Variants in TTBK1 observed in about 807,000 individuals in gnomAD.
The protein encoded by TTBK1 is tau-tubulin kinase 1.
TTBK1 carries 34 observed loss-of-function variants against 108.5 expected under a neutral mutation model. The ratio of observed to expected loss-of-function variants is 0.31; its 90% CI spans 0.24 to 0.42. The LOEUF is 0.42. Among genes scored for constraint, TTBK1 ranks in the 10% least tolerant of loss-of-function variants. The pLI, the probability that TTBK1 is intolerant of heterozygous loss-of-function variation, is 1.00. For missense variants in TTBK1, 1,539 were observed against 1,826.0 expected (o/e 0.84, Z 2.86); for synonymous variants, 809 against 795.1 (o/e 1.02, Z -0.29).
chr6:43,275,260 AGCGCCCCGCG>A (rs1436153884), intron 13 of TTBK1, among the ~76,000 whole-genome samples: 3 of 150,944 alleles, frequency 2.0e-5, no homozygotes, highest in South Asian at 2.1e-4. Context: ...CGCCCCACAC[AGCGCCCCGCG>A]GCGCCCTGCA....
chr6:43,247,101 T>A (rs374242171), intron 2 of TTBK1, among the ~76,000 whole-genome samples: 18 of 148,352 alleles, frequency 1.2e-4, no homozygotes, highest in Non-Finnish European at 1.8e-4. Context: ...GGGAGGGAGC[T>A]TTTTCTCTGA....
At chr6:43,281,969 G>A (rs1778176627) in intron 13 of TTBK1, among the ~76,000 whole-genome samples, 1 of 152,198 alleles carries the variant, frequency 6.6e-6, no homozygotes, top group Non-Finnish European at 1.5e-5. Flanking sequence ...AGAAAACCAA[G>A]GACTGCTTTG....
intron 13 of TTBK1, chr6:43,270,259 A>G: frequency 8.6e-7 from 1 of 1,169,396 alleles, no homozygotes; most frequent in Non-Finnish European, 1.1e-6. Flanking sequence ...TGATGGGTCC[A>G]GAGTCCAGTG....
chr6:43,266,584 C>T (rs2150698969), intron 13 of TTBK1, among the ~76,000 whole-genome samples: 1 of 152,192 alleles, frequency 6.6e-6, no homozygotes, highest in Admixed American at 6.5e-5. Flanking sequence ...GAGAGCTGAG[C>T]TCTGAGCCAT....
chr6:43,256,749 A>G (rs1777392514), intron 9 of TTBK1, among the ~76,000 whole-genome samples: 1 of 142,714 alleles, frequency 7.0e-6, no homozygotes, highest in South Asian at 2.2e-4. Flanking sequence ...AAACAAACAA[A>G]TAAACAAAAA....
Position 43,265,728 on chromosome 6 carries a change from C to T in TTBK1, c.1986+2378C>T, listed in dbSNP as rs1258444010. Among the ~76,000 whole-genome samples the T allele has an allele frequency of 2.0e-5, 3 of 152,134 alleles. No individual in the cohort carries two copies. Among genetic ancestry groups the T allele is most frequent in the African/African-American group, 7.2e-5 (3 of 41,424 alleles). On this transcript the variant is annotated intron_variant, in intron 13 of 14. Coordinates refer to ENST00000259750, the MANE Select transcript of TTBK1 (RefSeq NM_032538.3). The surrounding 1 kb of genome is among the most constrained non-coding windows in gnomAD (Gnocchi z 4.1). ...CAATAGGTTGTACCCGTAGGAAGTG[C>T]AGAGTCTAGGGAGGGTGACAGACAG...
At chr6:43,258,091 G>A (rs981791532) in intron 10 of TTBK1, 125 bp downstream of exon 10, 1 of 1,137,070 alleles carries the variant, frequency 8.8e-7, no homozygotes, top group Non-Finnish European at 1.2e-6. Context: ...CCTTAGTGGA[G>A]TTCTGGGACT....
intron 7 of TTBK1, 79 bp downstream of exon 7, chr6:43,255,193 T>TGGGGGG: frequency 3.8e-6 from 1 of 266,450 alleles, no homozygotes; most frequent in Admixed American, 6.0e-5. Context: ...TGGGGAGGGG[T>TGGGGGG]GGGGAGAGGA....
rs943862920 is a variant in TTBK1, at chr6:43,276,081, A to G, written c.1987-6646A>G. Among the ~76,000 whole-genome samples, 12 of 152,078 alleles carry G rather than the reference A, an allele frequency of 7.9e-5. No individual in the cohort carries two copies. In the South Asian group the frequency reaches 2.5e-3, roughly 32 times the overall value. ...GGGGCGGAGTAGGGGAGGGATAGGAAGGGGATTAGCGAGAGGACCCTCGCG... is the reference window on the plus strand; with the variant it reads ...GGGGCGGAGTAGGGGAGGGATAGGAGGGGGATTAGCGAGAGGACCCTCGCG... On this transcript the variant is annotated intron_variant, in intron 13 of 14. Transcript: ENST00000259750. The surrounding 1 kb of genome is among the most constrained non-coding windows in gnomAD (Gnocchi z 5.4).
intron 13 of TTBK1, among the ~76,000 whole-genome samples, chr6:43,268,143 G>C (rs1777731918): frequency 6.6e-6 from 1 of 152,234 alleles, no homozygotes; most frequent in South Asian, 2.1e-4. Flanking sequence ...TGAAGGGCAA[G>C]AGCCCTCTGG....
Position 43,243,861 on chromosome 6 carries a change from T to C in TTBK1, c.-55+153T>C, listed in dbSNP as rs867213635. Among the ~76,000 whole-genome samples, 1 of 152,008 alleles carries C rather than the reference T, an allele frequency of 6.6e-6. No individual in the cohort carries two copies. The highest frequency in any genetic ancestry group is 6.5e-5 in the Admixed American group (1 of 15,278). On this transcript the variant is annotated intron_variant, in intron 1 of 14. Coordinates refer to ENST00000259750, the MANE Select transcript of TTBK1 (RefSeq NM_032538.3). This position sits in a 1 kb window ranked among gnomAD's most constrained non-coding sequence, Gnocchi z 5.5. ...GGCTGGGACGCTGGCCTACACCGCC[T>C]GGGCCGCGCCGAGGCCTGGAGCCGC...
chr6:43,264,658 G>A (rs1777630632), intron 13 of TTBK1, among the ~76,000 whole-genome samples: 1 of 152,176 alleles, frequency 6.6e-6, no homozygotes, highest in African/African-American at 2.4e-5. Flanking sequence ...CGGAGCATGG[G>A]AGGAGCACAG....
In TTBK1 at chr6:43,254,581, A is replaced by G; in HGVS notation, c.506A>G (p.Tyr169Cys). 2 of 1,582,818 alleles carry G rather than the reference A, an allele frequency of 1.3e-6. No homozygotes were observed. The highest frequency in any genetic ancestry group is 1.7e-6 in the Non-Finnish European group (2 of 1,167,254). The change falls in exon 6 of 15, where the codon TAC becomes TGC. Residue 169 changes from tyrosine to cysteine, a missense_variant. Tyr to Cys is a radical substitution (Grantham distance 194, BLOSUM62 -2). Transcript: ENST00000259750. ...GCCATGGGCAGGCTGCCCTCCACCT[A>G]CAGGAAGTGCTATATGCTGGACTTC... ...NFAMGRLPST[Y>C]RKCYMLDFGL...
rs558481305 is a variant in TTBK1, at chr6:43,254,773, G to T, written c.576+122G>T. The T allele has an allele frequency of 5.6e-6, 5 of 896,800 alleles. No homozygotes were observed. The South Asian group carries it at 8.6e-5, about 15-fold the overall frequency. The allele number at this position is 896,800 out of a possible 1,614,324, so 55.6% of individuals were successfully genotyped here. On this transcript the variant is annotated intron_variant, in intron 6 of 14. Coordinates refer to ENST00000259750, the MANE Select transcript of TTBK1 (RefSeq NM_032538.3). Reference sequence around the variant, plus strand: ...GCCTGGCCTTGTGTTCAGTATCAGCGCCACCCAGCTCTGGGTGTCCACACT... The same window carrying T: ...GCCTGGCCTTGTGTTCAGTATCAGCTCCACCCAGCTCTGGGTGTCCACACT...
Position 43,283,064 on chromosome 6 carries a change from C to G in TTBK1, c.2324C>G (p.Ala775Gly), listed in dbSNP as rs749299332. 6.3e-7 allele frequency: 1 copy of G among 1,588,246 alleles called. No homozygotes were observed. Among genetic ancestry groups the G allele is most frequent in the Admixed American group, 1.8e-5 (1 of 55,408 alleles). ...EEEEEEEAAA[A>G]VALGEVLGPR... ...GAAGAGGAGGAGGAGGCTGCAGCGG[C>G]AGTTGCCTTGGGGGAGGTGCTGGGG... Residue 775 changes from alanine (A) to glycine (G), a missense_variant, in exon 14 of 15, where the codon GCA becomes GGA. Coordinates refer to ENST00000259750, the MANE Select transcript of TTBK1 (RefSeq NM_032538.3). This position sits in a 1 kb window ranked among gnomAD's most constrained non-coding sequence, Gnocchi z 8.1.
chr6:43,252,823 G>C lies in TTBK1; in HGVS notation c.193G>C (p.Glu65Gln). 6.2e-7 allele frequency: 1 copy of C among 1,613,962 alleles called. No individual in the cohort carries two copies. Among genetic ancestry groups the C allele is most frequent in the Non-Finnish European group, 8.5e-7 (1 of 1,179,956 alleles). The change falls in exon 3 of 15, where the codon GAG (glutamate) becomes CAG (glutamine). Residue 65 changes from glutamate to glutamine, a missense_variant. Physicochemically the swap from Glu to Gln is conservative, Grantham distance 29. Coordinates refer to ENST00000259750, the MANE Select transcript of TTBK1 (RefSeq NM_032538.3). The part of the protein sequence containing the change: ...LTRENVALKV[E>Q]SAQQPKQVLK... ...CAGGGAGAATGTGGCCCTCAAGGTG[G>C]AGTCAGCCCAGCAGCCCAAGCAGGT...
At chr6:43,271,301 C>T (rs765914622) in intron 13 of TTBK1, 27 of 985,306 alleles carry the variant, frequency 2.7e-5, no homozygotes, top group Middle Eastern at 5.2e-4. Flanking sequence ...TACGAATGAG[C>T]GTTTGTGCAT....
intron 9 of TTBK1, among the ~76,000 whole-genome samples, chr6:43,256,916 AG>A: frequency 6.6e-6 from 1 of 152,168 alleles, no homozygotes; most frequent in Non-Finnish European, 1.5e-5. Context: ...CTCCGAGTCC[AG>A]GGCTCTTTCC....
chr6:43,287,022 C>G lies in TTBK1; in HGVS notation c.*1646C>G, dbSNP rs868172117. On this transcript the variant is annotated 3_prime_UTR_variant, in exon 15 of 15. Transcript: ENST00000259750. The surrounding 1 kb of genome is among the most constrained non-coding windows in gnomAD (Gnocchi z 4.1). ...ACAAGGCAGCTGACCCTGAAAGCAG[C>G]CTCCCCCTCATGGAGAGTCAGCAGC... 22 of 152,716 alleles carry G rather than the reference C, an allele frequency of 1.4e-4. No individual in the cohort carries two copies. The highest frequency in any genetic ancestry group is 4.8e-4 in the African/African-American group (20 of 41,464). 9.5% of individuals were successfully genotyped at this position (152,716 alleles called of 1,614,324 possible).
Sources: allele counts gnomAD v4.1 joint callset (sites outside exome capture counted in the v4.1 genomes callset), GRCh38; gene constraint gnomAD v4.1.1; non-coding constraint Gnocchi (gnomAD v3.1); transcripts MANE v1.5; gene names NCBI Gene and HGNC (gene_info 2026-07-23, HGNC 2026-07-21).